AGMO: variants seen among roughly 807,000 people sequenced by gnomAD.
AGMO encodes alkylglycerol monooxygenase.
A neutral mutation model predicts 60.2 loss-of-function variants in AGMO; 75 were observed. The observed-to-expected ratio is 1.25, with a 90% CI of 1.03 to 1.51. The LOEUF is 1.51. Ranked by LOEUF, AGMO falls within the 40% of genes most tolerant of loss-of-function variation. The pLI is 0.00. For synonymous variants in AGMO, 261 were observed against 177.1 expected (o/e 1.47, Z -3.76); for missense variants, 763 against 525.5 (o/e 1.45, Z -4.42).
chr7:15,448,908 T>C (rs1038325040), intron 3 of AGMO, among the ~76,000 whole-genome samples: 2 of 152,180 alleles, frequency 1.3e-5, no homozygotes, highest in Non-Finnish European at 2.9e-5. Context: ...TTAGTTCTTA[T>C]TGTCACTGTT....
At chr7:15,379,803 C>G (rs1291097579) in intron 10 of AGMO, among the ~76,000 whole-genome samples, 2 of 152,046 alleles carry the variant, frequency 1.3e-5, no homozygotes, top group Non-Finnish European at 2.9e-5. Context: ...CATCAAAAAG[C>G]TTATCCACCA....
intron 12 of AGMO, among the ~76,000 whole-genome samples, chr7:15,263,684 C>G (rs999705502): frequency 6.6e-6 from 1 of 152,058 alleles, no homozygotes; most frequent in Non-Finnish European, 1.5e-5. Flanking sequence ...GCTCATCAAC[C>G]AATGAAGGGA....
intron 12 of AGMO, among the ~76,000 whole-genome samples, chr7:15,335,950 T>C (rs1257435526): frequency 6.6e-6 from 1 of 152,128 alleles, no homozygotes; most frequent in Admixed American, 6.6e-5. Flanking sequence ...AGTTTAACTT[T>C]GTAATATATC....
At chr7:15,217,211 G>C (rs1002375331) in intron 12 of AGMO, among the ~76,000 whole-genome samples, 2 of 151,914 alleles carry the variant, frequency 1.3e-5, no homozygotes, top group Admixed American at 6.6e-5. Context: ...TGAAATTGTT[G>C]GGGCCCCCAA....
intron 12 of AGMO, chr7:15,358,115 T>A (rs1004418678): frequency 1.2e-5 from 2 of 173,302 alleles, no homozygotes; most frequent in African/African-American, 2.4e-5. Flanking sequence ...ATCCCTTGCA[T>A]TTTGAAGTCA....
chr7:15,137,827 A>T, the AGMO span, among the ~76,000 whole-genome samples: 1 of 152,180 alleles, frequency 6.6e-6, no homozygotes, highest in East Asian at 1.9e-4. Flanking sequence ...TTAAAAGAGC[A>T]GAATCATAGG....
intron 12 of AGMO, among the ~76,000 whole-genome samples, chr7:15,347,662 G>T (rs1454989773): frequency 6.6e-6 from 1 of 151,908 alleles, no homozygotes; most frequent in Non-Finnish European, 1.5e-5. Context: ...TTTTTCAAGA[G>T]AAACCACTAA....
chr7:15,547,500 C>G (rs1474038110), intron 2 of AGMO, among the ~76,000 whole-genome samples: 1 of 152,120 alleles, frequency 6.6e-6, no homozygotes, highest in Non-Finnish European at 1.5e-5. Context: ...CATTGCCTCA[C>G]TCGGGAAGCG....
At chr7:15,232,708 A>AT (rs1474132097) in intron 12 of AGMO, among the ~76,000 whole-genome samples, 1 of 152,030 alleles carries the variant, frequency 6.6e-6, no homozygotes, top group African/African-American at 2.4e-5. Flanking sequence ...ACCCAACAAA[A>AT]TTGCCTCAAT....
In AGMO at chr7:15,394,101, A is replaced by T; in HGVS notation, c.676+12T>A. 1 of 1,593,540 alleles carries T rather than the reference A, an allele frequency of 6.3e-7. No homozygotes were observed. The highest frequency in any genetic ancestry group is 8.6e-7 in the Non-Finnish European group (1 of 1,168,428). ...AAATGAAGAAAAGAGAGAAGAAACA[A>T]AACTTCCTTACCATGATGAACCCTA... On this transcript the variant is annotated intron_variant, in intron 6 of 12. Transcript: ENST00000342526.
chr7:15,502,319 C>A (rs1184759041), intron 3 of AGMO, among the ~76,000 whole-genome samples: 1 of 151,908 alleles, frequency 6.6e-6, no homozygotes, highest in Admixed American at 6.6e-5. Context: ...AGTCCCCCAC[C>A]CCTAAATACA....
intron 12 of AGMO, among the ~76,000 whole-genome samples, chr7:15,350,956 T>C (rs1782219088): frequency 6.6e-6 from 1 of 152,184 alleles, no homozygotes; most frequent in South Asian, 2.1e-4. Flanking sequence ...TGGTATGTGT[T>C]ACTCTGCCCA....
rs115703717 is a variant in AGMO at position 15,489,075 on chromosome 7, T to C, written c.409+55697A>G. 9.9e-3 allele frequency among the ~76,000 whole-genome samples: 1,512 copies of C among 152,266 alleles called. 30 individuals are homozygous for C. Among genetic ancestry groups the C allele is most frequent in the African/African-American group, 0.035 (1,435 of 41,558 alleles). ...ATCATATACTATATCTTCAAACTAG[T>C]ATGAACACTGCCATAAAAACATGAA... On this transcript the variant is annotated intron_variant, in intron 3 of 12. Transcript: ENST00000342526.
intron 3 of AGMO, among the ~76,000 whole-genome samples, chr7:15,448,485 T>C (rs1347901300): frequency 6.6e-6 from 1 of 152,236 alleles, no homozygotes; most frequent in Non-Finnish European, 1.5e-5. Flanking sequence ...ACTTGGTTTA[T>C]GGAATTTTGT....
chr7:15,509,238 A>G (rs942962949), intron 3 of AGMO, among the ~76,000 whole-genome samples: 5 of 152,198 alleles, frequency 3.3e-5, no homozygotes, highest in Non-Finnish European at 5.9e-5. Flanking sequence ...CCAAACCAAT[A>G]GAACAGAACA....
At chr7:15,383,614 A>C (rs1262715021) in intron 10 of AGMO, among the ~76,000 whole-genome samples, 1 of 152,116 alleles carries the variant, frequency 6.6e-6, no homozygotes, top group Admixed American at 6.6e-5. Context: ...CTTATATTGA[A>C]ATTATTGATA....
chr7:15,360,290 A>G (rs937671508), intron 12 of AGMO, among the ~76,000 whole-genome samples: 1 of 152,166 alleles, frequency 6.6e-6, no homozygotes, highest in African/African-American at 2.4e-5. Context: ...CAATAAGTAC[A>G]CTCGACCCTT....
chr7:15,144,974 C>T, the AGMO span, among the ~76,000 whole-genome samples: 4 of 152,140 alleles, frequency 2.6e-5, no homozygotes, highest in African/African-American at 9.7e-5. Flanking sequence ...GGACTACAGG[C>T]GCCCGCCGCC....
chr7:15,555,290 TATACACACACACACACACAC>T (rs1378256670), intron 2 of AGMO, among the ~76,000 whole-genome samples: 5 of 103,642 alleles, frequency 4.8e-5, no homozygotes, highest in African/African-American at 1.1e-4. Flanking sequence ...TATATATATA[TATACACACACACACACACAC>T]ACACACACAC....
Sources: gnomAD v4.1 joint callset for allele counts (sites outside exome capture counted in the v4.1 genomes callset) on GRCh38, gnomAD v4.1.1 for gene constraint, MANE v1.5 for transcripts, NCBI Gene and HGNC (gene_info 2026-07-23, HGNC 2026-07-21) for gene names.